BLTP1: variants seen among roughly 807,000 people sequenced by gnomAD.
The protein encoded by BLTP1 is fragile site-associated protein.
chr4:122,165,924 G>GT, the BLTP1 span, among the ~76,000 whole-genome samples: 2 of 150,966 alleles, frequency 1.3e-5, no homozygotes, highest in Non-Finnish European at 3.0e-5. Context: ...GGGGTTGTTT[G>GT]TTTTTTTCTT....
At chr4:122,258,633 A>G in the BLTP1 span, 1 of 1,531,666 alleles carries the variant, frequency 6.5e-7, no homozygotes, top group Non-Finnish European at 8.8e-7. Context: ...AACTAGAAAC[A>G]TAGGGGCTGA....
At chr4:122,215,319 T>G in the BLTP1 span, 1 of 938,064 alleles carries the variant, frequency 1.1e-6, no homozygotes, top group Non-Finnish European at 1.3e-6. Flanking sequence ...AATCTAAATT[T>G]TTTTAAGATT....
At chr4:122,337,274 G>A in the BLTP1 span, 1 of 437,232 alleles carries the variant, frequency 2.3e-6, no homozygotes, top group East Asian at 4.8e-5. Flanking sequence ...AGTCAGTAAT[G>A]CATTTAATAC....
the BLTP1 span, chr4:122,237,523 G>A: frequency 4.5e-6 from 2 of 448,408 alleles, no homozygotes; most frequent in Non-Finnish European, 5.9e-6. Flanking sequence ...CTTAAAATAA[G>A]TAAATCCGAA....
At chr4:122,178,794 A>T in the BLTP1 span, among the ~76,000 whole-genome samples, 3 of 152,180 alleles carry the variant, frequency 2.0e-5, no homozygotes, top group Non-Finnish European at 2.9e-5. Flanking sequence ...GTTCACTGCC[A>T]TATCTCTGGT....
the BLTP1 span, chr4:122,226,689 G>A: frequency 2.5e-6 from 4 of 1,612,432 alleles, no homozygotes; most frequent in Non-Finnish European, 3.4e-6. Context: ...TTGTCAACTT[G>A]TCACTGATTA....
At chr4:122,246,052 G>C in the BLTP1 span, 1 of 1,295,658 alleles carries the variant, frequency 7.7e-7, no homozygotes, top group Non-Finnish European at 1.0e-6. Flanking sequence ...CTGGCACATA[G>C]ATAGGCATAG....
chr4:122,215,456 A>G, the BLTP1 span: 3 of 985,252 alleles, frequency 3.0e-6, no homozygotes, highest in Admixed American at 1.2e-4. Context: ...GCTGAAACCT[A>G]ATAGTAGTTG....
chr4:122,344,338 G>GTA, the BLTP1 span: 6 of 1,574,906 alleles, frequency 3.8e-6, no homozygotes, highest in African/African-American at 5.4e-5. Flanking sequence ...GTGTATATAT[G>GTA]TATATATAGA....
chr4:122,348,182 C>T, the BLTP1 span, among the ~76,000 whole-genome samples: 3 of 152,114 alleles, frequency 2.0e-5, no homozygotes, highest in Non-Finnish European at 4.4e-5. Context: ...GCACCCCAAC[C>T]GGCATCTGCA....
the BLTP1 span, chr4:122,325,872 GGGAA>G: frequency 1.7e-5 from 20 of 1,185,068 alleles, no homozygotes; most frequent in East Asian, 1.8e-4. Context: ...ATACAGTATG[GGGAA>G]GTACACCACA....
the BLTP1 span, among the ~76,000 whole-genome samples, chr4:122,340,181 A>G: frequency 6.6e-6 from 1 of 152,156 alleles, no homozygotes; most frequent in Non-Finnish European, 1.5e-5. Context: ...GAGGGTGTAC[A>G]GCTGGCAGCT....
At chr4:122,190,428 C>T in the BLTP1 span, 9 of 977,436 alleles carry the variant, frequency 9.2e-6, no homozygotes, top group South Asian at 4.3e-4. Flanking sequence ...TTCATAGCTA[C>T]AATTCTATTT....
the BLTP1 span, among the ~76,000 whole-genome samples, chr4:122,193,956 G>C: frequency 9.8e-4 from 148 of 151,666 alleles, 1 homozygote; most frequent in African/African-American, 3.5e-3. Flanking sequence ...TCCGCCTCCC[G>C]GGTTCACGCC....
the BLTP1 span, chr4:122,257,599 A>C: frequency 9.8e-7 from 1 of 1,020,168 alleles, no homozygotes; most frequent in Non-Finnish European, 1.5e-6. Flanking sequence ...GATATTATGC[A>C]TCTTTTATCA....
chr4:122,265,651 G>C, the BLTP1 span, among the ~76,000 whole-genome samples: 1 of 152,150 alleles, frequency 6.6e-6, no homozygotes, highest in South Asian at 2.1e-4. Context: ...TACAGGCTTG[G>C]CTCTCATTGT....
At chr4:122,254,377 C>G in the BLTP1 span, 2 of 1,481,106 alleles carry the variant, frequency 1.4e-6, no homozygotes, top group African/African-American at 2.8e-5. Flanking sequence ...AGTAGTATCG[C>G]TTGATGTTTC....
chr4:122,197,292 CT>C, the BLTP1 span: 4 of 1,413,774 alleles, frequency 2.8e-6, no homozygotes, highest in South Asian at 3.1e-5. Flanking sequence ...GCAACTGTTA[CT>C]TTTCTTTTTA....
chr4:122,326,161 A>G, the BLTP1 span, among the ~76,000 whole-genome samples: 1 of 151,726 alleles, frequency 6.6e-6, no homozygotes, highest in Non-Finnish European at 1.5e-5. Flanking sequence ...CAAATCATAA[A>G]AAAAACTACA....
Sources: gnomAD v4.1 joint callset for allele counts (sites outside exome capture counted in the v4.1 genomes callset) on GRCh38, gnomAD v4.1.1 for gene constraint, MANE v1.5 for transcripts, NCBI Gene and HGNC (gene_info 2026-07-23, HGNC 2026-07-21) for gene names.